USH1C: variants seen among roughly 807,000 people sequenced by gnomAD.
USH1C encodes the protein USH1 protein network component harmonin.
A neutral mutation model predicts 119.3 loss-of-function variants in USH1C; 90 were observed. That is an observed-to-expected ratio of 0.75 (90% CI 0.64 to 0.90). The LOEUF is 0.90. Among genes scored for constraint, USH1C ranks in the 40% least tolerant of loss-of-function variants. USH1C has a pLI of 0.00. For missense variants in USH1C, 1,165 were observed against 1,167.7 expected, an observed-to-expected ratio of 1.00 and a Z score of 0.03; for synonymous variants, 465 against 443.3, an observed-to-expected ratio of 1.05 and a Z score of -0.62.
chr11:17,537,951 C>T (rs368184633), intron 1 of USH1C, among the ~76,000 whole-genome samples: 1 of 152,204 alleles, frequency 6.6e-6, no homozygotes, highest in African/African-American at 2.4e-5. Context: ...AAAACCTCTG[C>T]TTTTTTTCAA....
chr11:17,540,745 C>T (rs1401921587), intron 1 of USH1C, among the ~76,000 whole-genome samples: 8 of 152,150 alleles, frequency 5.3e-5, no homozygotes, highest in African/African-American at 1.9e-4. Flanking sequence ...ATCCTGAATC[C>T]GACCCATTCT....
In USH1C at chr11:17,544,302, G is replaced by C. The variant is rs753871690; in HGVS notation, c.6C>G (p.Asp2Glu). 6.2e-7 allele frequency: 1 copy of C among 1,614,062 alleles called. No individual in the cohort carries two copies. Among genetic ancestry groups the C allele is most frequent in the East Asian group, 2.2e-5 (1 of 44,878 alleles). The part of the protein sequence containing the change: M[D>E]RKVAREFRHK... ...GCCGGAATTCTCGGGCCACTTTTCGGTCCATGGCTGGGCCAGGTCCAGCTG... is the reference window on the plus strand; with the variant it reads ...GCCGGAATTCTCGGGCCACTTTTCGCTCCATGGCTGGGCCAGGTCCAGCTG... The change falls in exon 1 of 27, where the codon GAC (aspartate) becomes GAG (glutamate). Residue 2 changes from aspartate to glutamate, a missense_variant. Transcript: ENST00000005226.
Position 17,516,268 on chromosome 11 carries a change from G to A in USH1C, c.1233C>T (p.Tyr411=), listed in dbSNP as rs377439949. 4.7e-5 allele frequency: 76 copies of A among 1,613,392 alleles called. No individual in the cohort carries two copies. The highest frequency in any genetic ancestry group is 2.8e-4 in the African/African-American group (21 of 74,908). ...KPKSFGWFYR[Y]DGKFPTIRKK... is the part of the protein sequence containing the mutation. The stretch of plus-strand genomic sequence containing the variant: ...TCCGGATGGTTGGGAATTTGCCATC[G>A]TAACGATAAAACCATCCAAAAGCTA... Residue 411 remains tyrosine (Y), a synonymous_variant, in exon 15 of 27, where the codon TAC becomes TAT. Coordinates refer to ENST00000005226, the MANE Select transcript of USH1C (RefSeq NM_153676.4).
rs762926482 is a variant in USH1C, at chr11:17,523,270, G to A, written c.820-3C>T. The A allele has an allele frequency of 1.2e-6, 2 of 1,614,220 alleles. No homozygotes were observed. Among genetic ancestry groups the A allele is most frequent in the African/African-American group, 1.3e-5 (1 of 75,072 alleles). ...CTACTCTTCAGCACATTTACAGCCT[G>A]TGGGGACAGAAGGACAGTGGGCCGA... is the stretch of plus-strand genomic sequence containing the variant. On this transcript the variant is annotated splice_polypyrimidine_tract_variant and splice_region_variant and intron_variant, in intron 10 of 26. Coordinates refer to ENST00000005226, the MANE Select transcript of USH1C (RefSeq NM_153676.4).
intron 1 of USH1C, among the ~76,000 whole-genome samples, chr11:17,537,153 T>A (rs1851262013): frequency 6.6e-6 from 1 of 152,246 alleles, no homozygotes; most frequent in Non-Finnish European, 1.5e-5. Context: ...TCACTTAAAT[T>A]ACTTTTTCTT....
At chr11:17,538,558 C>T (rs374034585) in intron 1 of USH1C, among the ~76,000 whole-genome samples, 65 of 152,184 alleles carry the variant, frequency 4.3e-4, no homozygotes, top group African/African-American at 1.3e-3. Flanking sequence ...TGGGCTGTTG[C>T]GGGGATTAAA....
chr11:17,511,840 C>T (rs999768681), intron 16 of USH1C, 62 bp downstream of exon 16: 2 of 1,565,674 alleles, frequency 1.3e-6, no homozygotes. Flanking sequence ...TCTGGGAGCA[C>T]ATGGAGAACG....
At position 17,524,445 on chromosome 11, in the gene USH1C, ACTCACCTCCAATCCCAC is replaced by A. The variant is rs1355262412; in HGVS notation, c.748_759+5del. ...CCCCCACTGGGGCCGGCCCAGCGTC[ACTCACCTCCAATCCCAC>A]CTCAGCAGACAGGGAGCCAGGTTTC... On this transcript the variant is annotated splice_donor_variant and splice_donor_5th_base_variant and coding_sequence_variant and intron_variant, in exon 9 of 27. Coordinates refer to ENST00000005226, the MANE Select transcript of USH1C (RefSeq NM_153676.4). LOFTEE classifies it high-confidence loss of function. 23 of 1,568,362 alleles carry A rather than the reference ACTCACCTCCAATCCCAC, an allele frequency of 1.5e-5. No homozygotes were observed. The highest frequency in any genetic ancestry group is 2.0e-5 in the Non-Finnish European group (23 of 1,155,430).
intron 1 of USH1C, among the ~76,000 whole-genome samples, chr11:17,540,566 G>T (rs10741729): frequency 4.6e-5 from 7 of 151,588 alleles, no homozygotes; most frequent in Admixed American, 4.6e-4. Flanking sequence ...TCTAGCAGGC[G>T]TCTCAAACTT....
chr11:17,494,853 A>G, intron 26 of USH1C: 1 of 267,850 alleles, frequency 3.7e-6, no homozygotes, highest in Non-Finnish European at 7.3e-6. Flanking sequence ...AGCTCTGTCC[A>G]CGGGCACATC....
At chr11:17,515,225 C>A (rs1463728858) in intron 15 of USH1C, among the ~76,000 whole-genome samples, 1 of 152,076 alleles carries the variant, frequency 6.6e-6, no homozygotes. Context: ...CTTTCTGAGA[C>A]CAGGACAATG....
At chr11:17,507,221 G>T (rs1311810258) in intron 18 of USH1C, among the ~76,000 whole-genome samples, 1 of 152,196 alleles carries the variant, frequency 6.6e-6, no homozygotes, top group African/African-American at 2.4e-5. Flanking sequence ...GTGGTACAAG[G>T]GTGAGAGGTG....
At position 17,505,867 on chromosome 11, in the gene USH1C, T is replaced by C; in HGVS notation, c.2096A>G (p.Asn699Ser). Residue 699 changes from asparagine (N) to serine (S), a missense_variant, in exon 19 of 27, where the codon AAT becomes AGT. Transcript: ENST00000005226. The part of the protein sequence containing the change: ...SKPVMVHQEP[N>S]FIYRPAVKSE... ...TTTCACAGCTGGCCTGTAGATGAAATTGGGCTCCTGGTGGACCATGACAGG... is the reference window on the plus strand; with the variant it reads ...TTTCACAGCTGGCCTGTAGATGAAACTGGGCTCCTGGTGGACCATGACAGG... The C allele has an allele frequency of 1.2e-6, 2 of 1,614,144 alleles. No individual in the cohort carries two copies. Among genetic ancestry groups the C allele is most frequent in the Non-Finnish European group, 1.7e-6 (2 of 1,180,012 alleles).
rs554450207 is a variant in USH1C, at chr11:17,522,946, C to A, written c.877-20G>T. ...CCGGCCCTCATGGGAGAAAAGAGGCCCCTTGCTCAGCCCCCGGGGAACCTG... is the reference window on the plus strand; with the variant it reads ...CCGGCCCTCATGGGAGAAAAGAGGCACCTTGCTCAGCCCCCGGGGAACCTG... On this transcript the variant is annotated intron_variant, in intron 11 of 26. Transcript: ENST00000005226. 2 of 1,606,196 alleles carry A rather than the reference C, an allele frequency of 1.2e-6. No individual in the cohort carries two copies. The highest frequency in any genetic ancestry group is 2.7e-5 in the African/African-American group (2 of 74,770).
chr11:17,501,289 C>T (rs535074698), intron 22 of USH1C, 139 bp from the exon 23 acceptor site: 21 of 1,041,450 alleles, frequency 2.0e-5, no homozygotes, highest in East Asian at 1.6e-4. Context: ...CTGGAGAAAA[C>T]GCAGCCTTGG....
intron 19 of USH1C, 116 bp downstream of exon 19, chr11:17,505,714 T>C: frequency 1.4e-6 from 2 of 1,472,984 alleles, no homozygotes; most frequent in African/African-American, 1.4e-5. Flanking sequence ...AGAGATGGCA[T>C]CTGTGATCTG....
chr11:17,500,102 G>T (rs1052501934), intron 23 of USH1C, among the ~76,000 whole-genome samples: 1 of 152,270 alleles, frequency 6.6e-6, no homozygotes, highest in African/African-American at 2.4e-5. Context: ...ATGGTTTGAA[G>T]CAAGAGACTG....
At position 17,531,634 on chromosome 11, in the gene USH1C, G is replaced by A. The variant is rs1171641998; in HGVS notation, c.105-92C>T. ...AAGAGGAAGCCATTTCAGCCACTGG[G>A]CCCAGGCTTAGGAATGGAGTAGACC... On this transcript the variant is annotated intron_variant, in intron 2 of 26. Transcript: ENST00000005226. The surrounding 1 kb of genome is among the most constrained non-coding windows in gnomAD (Gnocchi z 4.2). 3.2e-6 allele frequency: 5 copies of A among 1,544,192 alleles called. No homozygotes were observed. Among genetic ancestry groups the A allele is most frequent in the Non-Finnish European group, 4.4e-6 (5 of 1,141,064 alleles).
chr11:17,501,193 A>G (rs915361542), intron 22 of USH1C, 43 bp from the exon 23 acceptor site: 2 of 1,511,480 alleles, frequency 1.3e-6, no homozygotes, highest in Non-Finnish European at 1.8e-6. Context: ...AGCAGACAGC[A>G]GCCTGTGGAC....
Sources: gnomAD v4.1 joint callset for allele counts (sites outside exome capture counted in the v4.1 genomes callset) on GRCh38, gnomAD v4.1.1 for gene constraint, Gnocchi (gnomAD v3.1) non-coding constraint, MANE v1.5 for transcripts, NCBI Gene and HGNC (gene_info 2026-07-23, HGNC 2026-07-21) for gene names.